The following C16orf78 variants were observed in gnomAD, a reference collection of about 807,000 sequenced individuals.
C16orf78 encodes the protein uncharacterized protein C16orf78.
A neutral mutation model predicts 27.3 loss-of-function variants in C16orf78; 19 were observed. The observed-to-expected ratio is 0.70, with a 90% CI of 0.49 to 1.02. The LOEUF is 1.02. C16orf78 is among the 50% of genes least tolerant of loss of function. The pLI is 0.00. For missense variants in C16orf78, 339 were observed against 337.0 expected (o/e 1.01, Z -0.05); for synonymous variants, 130 against 116.1 (o/e 1.12, Z -0.77).
At chr16:49,396,713 G>T in intron 4 of C16orf78, 35 bp downstream of exon 4, 1 of 1,592,856 alleles carries the variant, frequency 6.3e-7, no homozygotes, top group Non-Finnish European at 8.5e-7. Flanking sequence ...GATGGGGTGG[G>T]GTCCTGGAAC....
At chr16:49,397,558 A>T (rs1271490930) in intron 4 of C16orf78, among the ~76,000 whole-genome samples, 4 of 152,152 alleles carry the variant, frequency 2.6e-5, no homozygotes, top group Non-Finnish European at 5.9e-5. Context: ...GGCTGGTTCC[A>T]TGGGTGGATG....
intron 3 of C16orf78, among the ~76,000 whole-genome samples, chr16:49,392,478 A>T (rs1304286448): frequency 6.6e-6 from 1 of 152,232 alleles, no homozygotes; most frequent in Non-Finnish European, 1.5e-5. Flanking sequence ...GCAAAGAAAC[A>T]ACAAGGAAAC....
chr16:49,381,892 G>A (rs1005541471), intron 3 of C16orf78, among the ~76,000 whole-genome samples: 8 of 151,972 alleles, frequency 5.3e-5, no homozygotes, highest in African/African-American at 1.9e-4. Context: ...AATACCATTT[G>A]ACCCAGCCAT....
rs370771870 is a variant in C16orf78, at chr16:49,378,298, G to A, written c.271-172G>A. Reference sequence around the variant, plus strand: ...GGGAGGCGTTGGTGAGCAAGCACCCGTGGGCAGACCCTGCCCCTCCGACCT... The same window carrying A: ...GGGAGGCGTTGGTGAGCAAGCACCCATGGGCAGACCCTGCCCCTCCGACCT... On this transcript the variant is annotated intron_variant, in intron 2 of 4. Transcript: ENST00000299191. Among the ~76,000 whole-genome samples the A allele has an allele frequency of 1.1e-3, 165 of 152,330 alleles. 3 individuals are homozygous for A. The highest frequency in any genetic ancestry group is 3.3e-3 in the African/African-American group (139 of 41,592).
chr16:49,373,859 G>A lies in C16orf78; in HGVS notation c.-81G>A. 4.5e-6 allele frequency: 7 copies of A among 1,545,312 alleles called. No individual in the cohort carries two copies. Among genetic ancestry groups the A allele is most frequent in the African/African-American group, 1.4e-5 (1 of 73,624 alleles). ...CACACCCTACCTTCTAAGTCACCAG[G>A]CCATCAAGTCCAGACAAAGGGATCG... On this transcript the variant is annotated 5_prime_UTR_variant, in exon 1 of 5. Transcript: ENST00000299191.
chr16:49,385,118 C>T (rs1965332104), intron 3 of C16orf78, among the ~76,000 whole-genome samples: 1 of 152,048 alleles, frequency 6.6e-6, no homozygotes, highest in African/African-American at 2.4e-5. Context: ...AGTAAAGATA[C>T]ATATATAGTC....
At chr16:49,385,283 C>T (rs1009370701) in intron 3 of C16orf78, among the ~76,000 whole-genome samples, 3 of 151,992 alleles carry the variant, frequency 2.0e-5, no homozygotes, top group African/African-American at 4.8e-5. Context: ...ATTGTTTTAT[C>T]AATAACCTAA....
At chr16:49,385,789 G>C (rs1308098301) in intron 3 of C16orf78, among the ~76,000 whole-genome samples, 1 of 151,534 alleles carries the variant, frequency 6.6e-6, no homozygotes, top group Non-Finnish European at 1.5e-5. Flanking sequence ...AAGACATCAA[G>C]AGAGAAAAAA....
At position 49,378,527 on chromosome 16, in the gene C16orf78, G is replaced by T. The variant is rs1323092372; in HGVS notation, c.328G>T (p.Glu110Ter). 1.2e-6 allele frequency: 2 copies of T among 1,612,342 alleles called. No homozygotes were observed. The highest frequency in any genetic ancestry group is 8.5e-7 in the Non-Finnish European group (1 of 1,179,282). The change falls in exon 3 of 5, where the codon GAG (glutamate) becomes TAG (stop). Residue 110 changes from glutamate (E) to a stop codon, truncating the protein, a stop_gained. Transcript: ENST00000299191. LOFTEE classifies it high-confidence loss of function. ...CTCCTACCGAAGCCTCTATGGAGTG[G>T]AGCAAAAGGGGAAACACCTCAGCAT... ...AASYRSLYGVEQKGKHLSMVP... is the reference protein window; with the variant it reads ...AASYRSLYGV
chr16:49,397,636 G>C (rs913832441), intron 4 of C16orf78, among the ~76,000 whole-genome samples: 1 of 152,170 alleles, frequency 6.6e-6, no homozygotes, highest in Non-Finnish European at 1.5e-5. Context: ...CAGCCTACCC[G>C]GGTTCCATGG....
At chr16:49,386,681 T>G (rs1375233488) in intron 3 of C16orf78, among the ~76,000 whole-genome samples, 4 of 152,170 alleles carry the variant, frequency 2.6e-5, no homozygotes, top group African/African-American at 7.2e-5. Context: ...TCCCACTTAT[T>G]AGTGAGAGCA....
chr16:49,379,229 G>C (rs1965258846), intron 3 of C16orf78, among the ~76,000 whole-genome samples: 1 of 152,074 alleles, frequency 6.6e-6, no homozygotes, highest in African/African-American at 2.4e-5. Context: ...AAAGTAATTA[G>C]CCTGACCAAG....
At chr16:49,378,377 A>G (rs145805802) in intron 2 of C16orf78, 93 bp from the exon 3 acceptor site, 1 of 1,491,630 alleles carries the variant, frequency 6.7e-7, no homozygotes, top group African/African-American at 1.4e-5. Context: ...GCCTTTTGGC[A>G]AACCCTTGAA....
intron 3 of C16orf78, among the ~76,000 whole-genome samples, chr16:49,388,830 G>T (rs1965379184): frequency 6.6e-6 from 1 of 152,086 alleles, no homozygotes; most frequent in Non-Finnish European, 1.5e-5. Context: ...GGTTTTGAGT[G>T]ATTTTCTTGG....
chr16:49,377,605 G>C, intron 1 of C16orf78, 126 bp from the exon 2 acceptor site: 1 of 1,224,168 alleles, frequency 8.2e-7, no homozygotes, highest in South Asian at 1.5e-5. Context: ...AGGCCCTAGA[G>C]TGTGTGTGCT....
At chr16:49,396,827 A>G (rs1195460458) in intron 4 of C16orf78, 149 bp downstream of exon 4, 4 of 1,128,124 alleles carry the variant, frequency 3.5e-6, no homozygotes, top group African/African-American at 1.6e-5. Flanking sequence ...GTCCCAAAGG[A>G]CTGCTCCAGG....
At chr16:49,391,849 C>T (rs1456496774) in intron 3 of C16orf78, among the ~76,000 whole-genome samples, 5 of 152,156 alleles carry the variant, frequency 3.3e-5, no homozygotes, top group Non-Finnish European at 5.9e-5. Context: ...TTATTTGTGT[C>T]AAAGAGAATG....
intron 4 of C16orf78, among the ~76,000 whole-genome samples, chr16:49,398,309 G>A (rs539551994): frequency 1.3e-5 from 2 of 152,300 alleles, no homozygotes; most frequent in East Asian, 3.9e-4. Flanking sequence ...GGCAGCCTGA[G>A]TAGGGGGCCT....
chr16:49,391,564 C>T (rs545979915), intron 3 of C16orf78, among the ~76,000 whole-genome samples: 1 of 152,260 alleles, frequency 6.6e-6, no homozygotes, highest in African/African-American at 2.4e-5. Context: ...CACTAATAAT[C>T]TGTGGCATCT....
Sources: gnomAD v4.1 joint callset for allele counts (sites outside exome capture counted in the v4.1 genomes callset) on GRCh38, gnomAD v4.1.1 for gene constraint, MANE v1.5 for transcripts, NCBI Gene and HGNC (gene_info 2026-07-23, HGNC 2026-07-21) for gene names.